LDLRAD4: variants seen among roughly 807,000 people sequenced by gnomAD.
The protein encoded by LDLRAD4 is low density lipoprotein receptor class A domain containing 4.
A neutral mutation model predicts 17.0 loss-of-function variants in LDLRAD4; 5 were observed. That is an observed-to-expected ratio of 0.29 (90% CI 0.15 to 0.62). The LOEUF (loss-of-function observed/expected upper bound fraction) is 0.62. LDLRAD4 is among the 20% of genes least tolerant of loss of function. The pLI is 0.84. For missense variants in LDLRAD4, 340 were observed against 424.7 expected (o/e 0.80, Z 1.75); for synonymous variants, 168 against 171.8 (o/e 0.98, Z 0.17).
chr18:13,333,789 C>T (rs1310615988), intron 1 of LDLRAD4, among the ~76,000 whole-genome samples: 1 of 152,242 alleles, frequency 6.6e-6, no homozygotes, highest in Non-Finnish European at 1.5e-5. Flanking sequence ...CAATACCACA[C>T]TGTCTCCATT....
intron 1 of LDLRAD4, among the ~76,000 whole-genome samples, chr18:13,269,019 A>G (rs1165774778): frequency 6.6e-6 from 1 of 152,198 alleles, no homozygotes; most frequent in Non-Finnish European, 1.5e-5. Flanking sequence ...GTTTGATTGA[A>G]ATTGGTTTTG....
At chr18:13,375,629 C>G (rs1480573050) in intron 1 of LDLRAD4, among the ~76,000 whole-genome samples, 1 of 152,210 alleles carries the variant, frequency 6.6e-6, no homozygotes, top group East Asian at 1.9e-4. Flanking sequence ...AGATGAAAAG[C>G]TAAATTCTAA....
At chr18:13,438,886 G>T (rs910613215) in intron 3 of LDLRAD4, among the ~76,000 whole-genome samples, 7 of 152,236 alleles carry the variant, frequency 4.6e-5, no homozygotes, top group Non-Finnish European at 1.0e-4. Context: ...GAGGCTTTGA[G>T]CATTTCTTGA....
intron 3 of LDLRAD4, among the ~76,000 whole-genome samples, chr18:13,445,049 G>T (rs1400446499): frequency 6.6e-6 from 1 of 152,176 alleles, no homozygotes; most frequent in Non-Finnish European, 1.5e-5. Flanking sequence ...ATTTATTCTG[G>T]GACCAGCAGT....
intron 1 of LDLRAD4, among the ~76,000 whole-genome samples, chr18:13,349,994 T>C (rs2082946687): frequency 6.6e-6 from 1 of 152,248 alleles, no homozygotes; most frequent in Non-Finnish European, 1.5e-5. Context: ...TAGTATTCCA[T>C]GGTGTATATG....
intron 1 of LDLRAD4, among the ~76,000 whole-genome samples, chr18:13,336,158 T>C (rs1007084175): frequency 6.6e-6 from 1 of 152,176 alleles, no homozygotes; most frequent in Non-Finnish European, 1.5e-5. Context: ...GAGTGAGAAC[T>C]CACTCACTAG....
At chr18:13,402,117 C>T (rs1282124063) in intron 2 of LDLRAD4, among the ~76,000 whole-genome samples, 5 of 152,130 alleles carry the variant, frequency 3.3e-5, no homozygotes, top group South Asian at 2.1e-4. Flanking sequence ...CATTAAATAC[C>T]GTCTTTTAAA....
intron 3 of LDLRAD4, among the ~76,000 whole-genome samples, chr18:13,619,910 G>A (rs1032398828): frequency 2.6e-5 from 4 of 152,014 alleles, no homozygotes; most frequent in African/African-American, 9.7e-5. Context: ...TCATTCTCAA[G>A]ACACCAGCGC....
intron 3 of LDLRAD4, among the ~76,000 whole-genome samples, chr18:13,501,562 T>C (rs1222100511): frequency 6.9e-6 from 1 of 145,584 alleles, no homozygotes; most frequent in Non-Finnish European, 1.5e-5. Context: ...AGGTTGGCAT[T>C]GTGTATTTTC....
intron 4 of LDLRAD4, among the ~76,000 whole-genome samples, chr18:13,627,288 T>G (rs999385860): frequency 6.6e-6 from 1 of 152,114 alleles, no homozygotes; most frequent in African/African-American, 2.4e-5. Context: ...AAATAAAAAT[T>G]GTGAGATTTC....
intron 2 of LDLRAD4, among the ~76,000 whole-genome samples, chr18:13,429,887 A>G (rs1285779134): frequency 1.3e-5 from 2 of 152,380 alleles, no homozygotes; most frequent in Non-Finnish European, 2.9e-5. Context: ...TCACTTTATC[A>G]TAGGAATCTA....
At chr18:13,392,283 G>A (rs539018209) in intron 2 of LDLRAD4, among the ~76,000 whole-genome samples, 73 of 152,342 alleles carry the variant, frequency 4.8e-4, no homozygotes, top group African/African-American at 1.7e-3. Context: ...TGCAGCATGC[G>A]GCTCTAAAGG....
chr18:13,552,413 A>G (rs917084393), intron 3 of LDLRAD4, among the ~76,000 whole-genome samples: 4 of 152,212 alleles, frequency 2.6e-5, no homozygotes, highest in Admixed American at 2.6e-4. Context: ...CCTCTGCCTT[A>G]GCTGGACCTG....
intron 3 of LDLRAD4, among the ~76,000 whole-genome samples, chr18:13,535,647 G>A (rs62084762): frequency 0.05 from 7,588 of 152,186 alleles, 246 homozygotes; most frequent in African/African-American, 0.087. Context: ...AAGATGAAGA[G>A]CTTTTTATTT....
rs138500548 is a variant in LDLRAD4, at chr18:13,325,173, A to G, written c.-383+46985A>G. Among the ~76,000 whole-genome samples, 389 of 152,306 alleles carry G rather than the reference A, an allele frequency of 2.6e-3. 2 individuals are homozygous for G. The highest frequency in any genetic ancestry group is 6.8e-3 in the Middle Eastern group (2 of 294). On this transcript the variant is annotated intron_variant, in intron 1 of 5. Coordinates refer to ENST00000359446, the Ensembl canonical transcript of LDLRAD4. ...CCTTCTATCTTGCAGCAATCTGTATAGGAATAAAAGGAAAGTCAGCTTTTT... is the reference window on the plus strand; with the variant it reads ...CCTTCTATCTTGCAGCAATCTGTATGGGAATAAAAGGAAAGTCAGCTTTTT...
In LDLRAD4 at chr18:13,539,632, C is replaced by T. The variant is rs1220497394; in HGVS notation, c.182-81485C>T. On this transcript the variant is annotated intron_variant, in intron 3 of 5. Transcript: ENST00000359446. ...GTGATATTTGTGCTTTCTTATTTGC[C>T]CAAATGGGAGAAGCAAATGAAGTAG... 2.0e-5 allele frequency among the ~76,000 whole-genome samples: 3 copies of T among 151,526 alleles called. No individual in the cohort carries two copies. In the East Asian group the frequency reaches 5.8e-4, roughly 29 times the overall value.
chr18:13,529,856 A>T (rs1453878460), intron 3 of LDLRAD4, among the ~76,000 whole-genome samples: 1 of 152,128 alleles, frequency 6.6e-6, no homozygotes, highest in African/African-American at 2.4e-5. Context: ...AGAGACTTCC[A>T]TGGCACCATC....
chr18:13,509,588 T>G (rs1421206132), intron 3 of LDLRAD4, among the ~76,000 whole-genome samples: 1 of 152,214 alleles, frequency 6.6e-6, no homozygotes, highest in Non-Finnish European at 1.5e-5. Context: ...CTGTGAATAT[T>G]GTTGAAATGA....
intron 3 of LDLRAD4, among the ~76,000 whole-genome samples, chr18:13,460,554 C>T (rs1401635072): frequency 6.6e-6 from 1 of 152,190 alleles, no homozygotes; most frequent in Non-Finnish European, 1.5e-5. Context: ...AGCCATGTGT[C>T]TGTTTTGTAT....
Sources: allele counts gnomAD v4.1 joint callset (sites outside exome capture counted in the v4.1 genomes callset), GRCh38; gene constraint gnomAD v4.1.1; transcripts MANE v1.5; gene names NCBI Gene and HGNC (gene_info 2026-07-23, HGNC 2026-07-21).